Variants in CCDC88C observed in about 807,000 individuals in gnomAD.
CCDC88C encodes the protein protein Daple.
In CCDC88C, 131 loss-of-function variants were observed where a neutral mutation model predicts 198.8. The observed-to-expected ratio is 0.66, with a 90% confidence interval of 0.57 to 0.76. The LOEUF is 0.76. Among genes scored for constraint, CCDC88C ranks in the 30% least tolerant of loss-of-function variants. The pLI is 0.00. For synonymous variants in CCDC88C, 1,166 were observed against 1,114.7 expected, an observed-to-expected ratio of 1.05 and a Z score of -0.92; for missense variants, 2,553 against 2,631.6, an observed-to-expected ratio of 0.97 and a Z score of 0.65.
chr14:91,310,103 T>C, intron 15 of CCDC88C, 117 bp from the exon 16 acceptor site: 1 of 1,057,846 alleles, frequency 9.5e-7, no homozygotes, highest in East Asian at 2.8e-5. Context: ...TGCCTCCGTG[T>C]GGAGCGAGGG....
intron 10 of CCDC88C, among the ~76,000 whole-genome samples, chr14:91,331,287 C>T (rs896291444): frequency 2.0e-5 from 3 of 152,196 alleles, no homozygotes; most frequent in African/African-American, 7.2e-5. Context: ...CTCAGGGGCC[C>T]TAAGACACTG....
intron 29 of CCDC88C, among the ~76,000 whole-genome samples, chr14:91,276,816 T>A (rs191767035): frequency 6.6e-6 from 1 of 152,208 alleles, no homozygotes; most frequent in African/African-American, 2.4e-5. Context: ...TAAAGACGTA[T>A]GTGCAGCTTC....
chr14:91,330,079 C>T (rs1442746306), intron 10 of CCDC88C, among the ~76,000 whole-genome samples: 4 of 152,254 alleles, frequency 2.6e-5, no homozygotes, highest in Non-Finnish European at 4.4e-5. Context: ...GACCCCTGAG[C>T]CACAAGGTGC....
At chr14:91,330,768 T>C (rs776797213) in intron 10 of CCDC88C, among the ~76,000 whole-genome samples, 1 of 151,872 alleles carries the variant, frequency 6.6e-6, no homozygotes, top group East Asian at 1.9e-4. Context: ...CCTTGAGATG[T>C]CTCTGGATAA....
At chr14:91,377,638 G>A (rs1884518992) in intron 3 of CCDC88C, among the ~76,000 whole-genome samples, 1 of 152,198 alleles carries the variant, frequency 6.6e-6, no homozygotes, top group African/African-American at 2.4e-5. Context: ...AAGAACCATG[G>A]TGGGGAGGGT....
chr14:91,289,360 GT>G lies in CCDC88C; in HGVS notation c.4203-18del, dbSNP rs779522418. The G allele has an allele frequency of 5.6e-6, 9 of 1,608,666 alleles. No individual in the cohort carries two copies. The African/African-American group carries it at 8.0e-5, about 14-fold the overall frequency. On this transcript the variant is annotated intron_variant, in intron 24 of 29. Coordinates refer to ENST00000389857, the MANE Select transcript of CCDC88C (RefSeq NM_001080414.4). The stretch of plus-strand genomic sequence containing the variant: ...TGGTTCTTCCTGGTTAGAAGTAGAT[GT>G]TTAGGACATAGCCAGCCCTCCCACA...
chr14:91,312,384 T>C (rs1891870550), intron 15 of CCDC88C, among the ~76,000 whole-genome samples: 1 of 150,840 alleles, frequency 6.6e-6, no homozygotes, highest in Admixed American at 6.6e-5. Context: ...CAAGATTCTG[T>C]CTCAAAAATA....
chr14:91,298,620 C>T (rs1180722181), intron 21 of CCDC88C, among the ~76,000 whole-genome samples: 1 of 151,898 alleles, frequency 6.6e-6, no homozygotes, highest in Non-Finnish European at 1.5e-5. Context: ...ATATAAAAAA[C>T]AAAAGGCTGC....
At chr14:91,306,529 G>C (rs1891561705) in intron 18 of CCDC88C, among the ~76,000 whole-genome samples, 1 of 152,212 alleles carries the variant, frequency 6.6e-6, no homozygotes, top group Admixed American at 6.5e-5. Context: ...TCACCACTCT[G>C]AACTTCATAA....
rs1021704865 is a variant in CCDC88C, at chr14:91,319,665, G to A, written c.1527+1455C>T. 5.9e-5 allele frequency among the ~76,000 whole-genome samples: 9 copies of A among 152,256 alleles called. No homozygotes were observed. The South Asian group carries it at 6.2e-4, about 11-fold the overall frequency. On this transcript the variant is annotated intron_variant, in intron 13 of 29. Transcript: ENST00000389857. Reference sequence around the variant, plus strand: ...GTGCCCTGCTCTCTTTTTATTGAGTGCTTACTATGTGCCGAATCCGTCACA... The same window carrying A: ...GTGCCCTGCTCTCTTTTTATTGAGTACTTACTATGTGCCGAATCCGTCACA...
Position 91,273,634 on chromosome 14 carries a change from T to A in CCDC88C, c.5078A>T (p.Asp1693Val), listed in dbSNP as rs770508496. ...SPTHDTPSCR[D>V]DLLSDYFRKA... is the part of the protein sequence containing the mutation. ...TCGGAAGTAGTCACTCAGCAGGTCA[T>A]CCCGGCAACTGGGAGTGTCCTACGG... Residue 1693 changes from aspartate to valine, a missense_variant, in exon 30 of 30, where the codon GAT becomes GTT. Transcript: ENST00000389857. The surrounding 1 kb of genome is among the most constrained non-coding windows in gnomAD (Gnocchi z 5.6). 4.4e-5 allele frequency: 65 copies of A among 1,478,510 alleles called. No individual in the cohort carries two copies. Among genetic ancestry groups the A allele is most frequent in the Non-Finnish European group, 5.6e-5 (62 of 1,113,198 alleles). The allele number at this position is 1,478,510 out of a possible 1,614,324, so 91.6% of individuals were successfully genotyped here. A position where few individuals can be genotyped will look rare whatever the true frequency, so the allele number is the denominator to read the frequency against.
In CCDC88C at chr14:91,352,381, C is replaced by T. The variant is rs895733700; in HGVS notation, c.340+7261G>A. On this transcript the variant is annotated intron_variant, in intron 4 of 29. Transcript: ENST00000389857. This position sits in a 1 kb window ranked among gnomAD's most constrained non-coding sequence, Gnocchi z 4.2. ...GCACCTTCCTAGGAAAGGAAAGCCT[C>T]GGCTCCTGGCTTAAGTGCCCCAGCA... Among the ~76,000 whole-genome samples, 8 of 152,156 alleles carry T rather than the reference C, an allele frequency of 5.3e-5. No individual in the cohort carries two copies. The highest frequency in any genetic ancestry group is 7.4e-5 in the Non-Finnish European group (5 of 68,022).
At chr14:91,408,593 A>C in intron 3 of CCDC88C, 66 bp downstream of exon 3, 27 of 1,039,382 alleles carry the variant, frequency 2.6e-5, no homozygotes, top group Non-Finnish European at 3.5e-5. Context: ...CTCCTGTGGG[A>C]AAACCGTGAC....
In CCDC88C at chr14:91,338,142, C is replaced by A. The variant is rs755409670; in HGVS notation, c.913G>T (p.Ala305Ser). The change falls in exon 10 of 30, where the codon GCC becomes TCC. Residue 305 changes from alanine to serine, a missense_variant. Physicochemically the swap from Ala to Ser is moderately conservative, Grantham distance 99. Around this residue, in one of 2 missense-constraint regions of CCDC88C, gnomAD observed 1,260 missense variants for 1,412.0 expected, o/e 0.89. Coordinates refer to ENST00000389857, the MANE Select transcript of CCDC88C (RefSeq NM_001080414.4). This position sits in a 1 kb window ranked among gnomAD's most constrained non-coding sequence, Gnocchi z 4.8. ...KQENIQLAAD[A>S]RSARAYRDEL... is the part of the protein sequence containing the mutation. Reference sequence around the variant, plus strand: ...TCTCGATAGGCACGAGCAGACCGGGCGTCTGCCGCTAGCTGGATGTTCTGC... The same window carrying A: ...TCTCGATAGGCACGAGCAGACCGGGAGTCTGCCGCTAGCTGGATGTTCTGC... 1.9e-6 allele frequency: 3 copies of A among 1,613,796 alleles called. No homozygotes were observed. Among genetic ancestry groups the A allele is most frequent in the Non-Finnish European group, 2.5e-6 (3 of 1,179,840 alleles).
chr14:91,310,008 A>G lies in CCDC88C; in HGVS notation c.2737-22T>C, dbSNP rs749408238. 5 of 1,568,636 alleles carry G rather than the reference A, an allele frequency of 3.2e-6. No individual in the cohort carries two copies. The South Asian group carries it at 4.6e-5, about 15-fold the overall frequency. On this transcript the variant is annotated intron_variant, in intron 15 of 29. Transcript: ENST00000389857. Reference sequence around the variant, plus strand: ...GGTCCTGGAATGATGGGGAGAGAGCACTGGATAGGAGCTCAGCAAAACACG... The same window carrying G: ...GGTCCTGGAATGATGGGGAGAGAGCGCTGGATAGGAGCTCAGCAAAACACG...
intron 3 of CCDC88C, among the ~76,000 whole-genome samples, chr14:91,362,738 G>A (rs1386633524): frequency 6.6e-6 from 1 of 152,092 alleles, no homozygotes; most frequent in Non-Finnish European, 1.5e-5. Context: ...GACCATCCTG[G>A]CTAACATGGT....
chr14:91,340,705 A>G (rs1298735387), intron 6 of CCDC88C, among the ~76,000 whole-genome samples: 1 of 152,190 alleles, frequency 6.6e-6, no homozygotes, highest in Non-Finnish European at 1.5e-5. Flanking sequence ...TCAGGCCTCA[A>G]AAGAGGAAAA....
At chr14:91,335,541 A>G (rs1893013953) in intron 10 of CCDC88C, among the ~76,000 whole-genome samples, 2 of 152,048 alleles carry the variant, frequency 1.3e-5, no homozygotes, top group Non-Finnish European at 2.9e-5. Context: ...CCCTGGCCCC[A>G]GCCATGTTTG....
At chr14:91,349,325 A>G (rs766920426) in intron 4 of CCDC88C, among the ~76,000 whole-genome samples, 86 of 152,226 alleles carry the variant, frequency 5.6e-4, no homozygotes, top group Non-Finnish European at 1.0e-3. Context: ...ACAGATAAGG[A>G]GGAGACAGAC....
Sources: gnomAD v4.1 joint callset for allele counts (sites outside exome capture counted in the v4.1 genomes callset) on GRCh38, gnomAD v4.1.1 for gene constraint, gnomAD v4.1.1 regional missense constraint, Gnocchi (gnomAD v3.1) non-coding constraint, MANE v1.5 for transcripts, NCBI Gene and HGNC (gene_info 2026-07-23, HGNC 2026-07-21) for gene names.